NHSL1: variants seen among roughly 807,000 people sequenced by gnomAD.
The protein encoded by NHSL1 is NHS-like protein 1.
In NHSL1, 48 loss-of-function variants were observed where a neutral mutation model predicts 95.0. The observed-to-expected ratio is 0.51, with a 90% confidence interval of 0.40 to 0.64. NHSL1 has a LOEUF of 0.64. Ranked by LOEUF, NHSL1 falls within the 30% of genes least tolerant of loss-of-function variation. The pLI, the probability that NHSL1 is intolerant of heterozygous loss-of-function variation, is 0.00. For synonymous variants in NHSL1, 783 were observed against 833.9 expected (o/e 0.94, Z 1.05); for missense variants, 1,971 against 2,077.7 (o/e 0.95, Z 1.00).
At chr6:138,557,340 C>T (rs1029034440) in intron 1 of NHSL1, among the ~76,000 whole-genome samples, 8 of 152,170 alleles carry the variant, frequency 5.3e-5, no homozygotes, top group African/African-American at 1.9e-4. Flanking sequence ...GCACTGCCCA[C>T]AGGATTGTGG....
At position 138,504,546 on chromosome 6, in the gene NHSL1, C is replaced by T. The variant is rs536591742; in HGVS notation, c.17-8175G>A. 2.0e-5 allele frequency among the ~76,000 whole-genome samples: 3 copies of T among 152,254 alleles called. No individual in the cohort carries two copies. In the South Asian group the frequency reaches 6.2e-4, roughly 32 times the overall value. Reference sequence around the variant, plus strand: ...TGGGATGTGGGGAGATATGCTGAAACTTCGGTGAAAGCTCATGGGACAGCC... The same window carrying T: ...TGGGATGTGGGGAGATATGCTGAAATTTCGGTGAAAGCTCATGGGACAGCC... On this transcript the variant is annotated intron_variant, in intron 1 of 4. Transcript: ENST00000342260.
At chr6:138,609,309 T>C (rs72975291) in intron 1 of NHSL1, among the ~76,000 whole-genome samples, 4,417 of 152,068 alleles carry the variant, frequency 0.029, 69 homozygotes, top group Middle Eastern at 0.065. Context: ...AGGAAGAATG[T>C]GAGACGCAGA....
At chr6:138,484,793 A>G (rs909226305) in intron 2 of NHSL1, among the ~76,000 whole-genome samples, 1 of 152,252 alleles carries the variant, frequency 6.6e-6, no homozygotes, top group African/African-American at 2.4e-5. Flanking sequence ...AAGGAGTTAA[A>G]CATTAAAAGT....
chr6:138,645,016 A>G (rs1784998675), intron 1 of NHSL1, among the ~76,000 whole-genome samples: 1 of 152,208 alleles, frequency 6.6e-6, no homozygotes, highest in African/African-American at 2.4e-5. Flanking sequence ...GAATTCTGGA[A>G]CAAGAGTCAT....
intron 1 of NHSL1, among the ~76,000 whole-genome samples, chr6:138,620,839 C>T (rs920698056): frequency 1.3e-5 from 2 of 152,194 alleles, no homozygotes; most frequent in East Asian, 3.8e-4. Flanking sequence ...TTGCCCGACC[C>T]TCCCACATCC....
intron 1 of NHSL1, among the ~76,000 whole-genome samples, chr6:138,533,081 G>C (rs1051739352): frequency 2.0e-5 from 3 of 152,078 alleles, no homozygotes; most frequent in Admixed American, 6.6e-5. Flanking sequence ...CGCTTAAATA[G>C]TACCTAATAC....
upstream of NHSL1, among the ~76,000 whole-genome samples, chr6:138,575,549 T>C (rs970011173): frequency 6.6e-6 from 1 of 152,190 alleles, no homozygotes; most frequent in Admixed American, 6.6e-5. Flanking sequence ...GTCTACTGGC[T>C]AGTCCATATT....
intron 1 of NHSL1, among the ~76,000 whole-genome samples, chr6:138,641,809 T>C (rs769432171): frequency 4.6e-5 from 7 of 152,064 alleles, no homozygotes; most frequent in Non-Finnish European, 1.0e-4. Context: ...AGCCCCTTTC[T>C]ACTCCTGCCT....
chr6:138,642,411 A>C (rs1489212890), intron 1 of NHSL1, among the ~76,000 whole-genome samples: 1 of 152,204 alleles, frequency 6.6e-6, no homozygotes, highest in Non-Finnish European at 1.5e-5. Flanking sequence ...TGTTGACTTA[A>C]GGCAGAGAAG....
intron 3 of NHSL1, among the ~76,000 whole-genome samples, chr6:138,466,215 G>T (rs1192423193): frequency 6.6e-6 from 1 of 151,642 alleles, no homozygotes; most frequent in Non-Finnish European, 1.5e-5. Flanking sequence ...AATTTTTTTT[G>T]TATTTTTAGT....
chr6:138,539,839 G>A (rs960936485), intron 1 of NHSL1, among the ~76,000 whole-genome samples: 1 of 152,154 alleles, frequency 6.6e-6, no homozygotes, highest in African/African-American at 2.4e-5. Flanking sequence ...TCAGTCCATA[G>A]GGTAGCATCT....
intron 5 of NHSL1, 77 bp from the exon 6 acceptor site, chr6:138,433,757 A>T (rs1163337906): frequency 7.2e-7 from 1 of 1,380,322 alleles, no homozygotes; most frequent in Non-Finnish European, 9.4e-7. Flanking sequence ...CACCCCTCTG[A>T]CAGAATTTTA....
At chr6:138,589,404 C>A (rs1020462536) in intron 1 of NHSL1, among the ~76,000 whole-genome samples, 2 of 152,144 alleles carry the variant, frequency 1.3e-5, no homozygotes, top group Non-Finnish European at 2.9e-5. Context: ...CACCTGGGGG[C>A]CTCACGAGCC....
upstream of NHSL1, among the ~76,000 whole-genome samples, chr6:138,500,275 T>C (rs1780603929): frequency 6.6e-6 from 1 of 152,222 alleles, no homozygotes; most frequent in African/African-American, 2.4e-5. Context: ...TTAACTTGAA[T>C]CTACCATCCA....
chr6:138,437,443 CACAAAAAAA>C lies in NHSL1; in HGVS notation c.665-3772_665-3764del, dbSNP rs1225935777. On this transcript the variant is annotated intron_variant, in intron 5 of 7. Coordinates refer to ENST00000343505, the MANE Select transcript of NHSL1 (RefSeq NM_001144060.2). ...ACACACACACACACACACACACACA[CACAAAAAAA>C]AAAAAAAAAAATACAATGCACCTAG... 1.7e-4 allele frequency among the ~76,000 whole-genome samples: 7 copies of C among 41,608 alleles called. 1 individual carries two copies. Among genetic ancestry groups the C allele is most frequent in the African/African-American group, 5.3e-4 (6 of 11,368 alleles). 27.3% of individuals were successfully genotyped at this position (41,608 alleles called of 152,430 possible).
At chr6:138,582,041 CG>C (rs1438160585) in intron 1 of NHSL1, among the ~76,000 whole-genome samples, 1 of 151,774 alleles carries the variant, frequency 6.6e-6, no homozygotes, top group Non-Finnish European at 1.5e-5. Flanking sequence ...GGATTACAGG[CG>C]TACACCACCA....
At chr6:138,485,508 A>G (rs1410860289) in intron 2 of NHSL1, among the ~76,000 whole-genome samples, 1 of 151,984 alleles carries the variant, frequency 6.6e-6, no homozygotes, top group Middle Eastern at 3.4e-3. Flanking sequence ...AACTATCTGA[A>G]AAAGCAATGA....
chr6:138,538,700 T>C (rs1782461107), intron 1 of NHSL1, among the ~76,000 whole-genome samples: 1 of 152,222 alleles, frequency 6.6e-6, no homozygotes, highest in Non-Finnish European at 1.5e-5. Context: ...TGGCCTCTTG[T>C]GGTCAGCAAA....
intron 2 of NHSL1, among the ~76,000 whole-genome samples, chr6:138,478,706 G>A (rs749277535): frequency 6.6e-6 from 1 of 152,198 alleles, no homozygotes; most frequent in African/African-American, 2.4e-5. Flanking sequence ...TGTAAAAGAA[G>A]ACCAATCGTT....
Sources: allele counts gnomAD v4.1 joint callset (sites outside exome capture counted in the v4.1 genomes callset), GRCh38; gene constraint gnomAD v4.1.1; transcripts MANE v1.5; gene names NCBI Gene and HGNC (gene_info 2026-07-23, HGNC 2026-07-21).